MGAM2: variants seen among roughly 807,000 people sequenced by gnomAD.
The protein encoded by MGAM2 is maltase-glucoamylase 2 (putative), also known as probable maltase-glucoamylase 2.
MGAM2 carries 98 observed loss-of-function variants against 96.1 expected under a neutral mutation model. The ratio of observed to expected loss-of-function variants is 1.02; its 90% confidence interval spans 0.87 to 1.21. The LOEUF (loss-of-function observed/expected upper bound fraction) is 1.21, where lower values mean the gene tolerates loss of function less well. MGAM2 is among the 50% of genes most tolerant of loss of function. The pLI is 0.00. For missense variants in MGAM2, 2,055 were observed against 1,182.4 expected, an observed-to-expected ratio of 1.74 and a Z score of -10.82; for synonymous variants, 749 against 414.8, an observed-to-expected ratio of 1.81 and a Z score of -9.79.
intron 22 of MGAM2, 37 bp from the exon 23 acceptor site, chr7:142,161,918 C>T (rs182069810): frequency 3.2e-4 from 210 of 666,640 alleles, no homozygotes; most frequent in Non-Finnish European, 3.5e-5. Flanking sequence ...GGCTGATTGG[C>T]TTCCCATAGT....
chr7:142,150,934 T>C (rs1288896634), intron 15 of MGAM2, among the ~76,000 whole-genome samples: 1 of 152,218 alleles, frequency 6.6e-6, no homozygotes, highest in Non-Finnish European at 1.5e-5. Flanking sequence ...TTCCTTACCC[T>C]GTCCATTTTG....
intron 13 of MGAM2, among the ~76,000 whole-genome samples, 200 bp from the exon 14 acceptor site, chr7:142,144,661 A>T (rs533663497): frequency 1.3e-5 from 2 of 152,340 alleles, no homozygotes; most frequent in Non-Finnish European, 1.5e-5. Flanking sequence ...AACATACCTT[A>T]AAAATATATA....
intron 37 of MGAM2, among the ~76,000 whole-genome samples, chr7:142,190,551 G>A (rs925234703): frequency 1.3e-5 from 2 of 152,060 alleles, no homozygotes; most frequent in African/African-American, 4.8e-5. Context: ...TGGGATTATA[G>A]GCATGAGCCA....
chr7:142,145,234 C>A (rs1230183165), intron 14 of MGAM2, among the ~76,000 whole-genome samples: 2 of 152,178 alleles, frequency 1.3e-5, no homozygotes, highest in African/African-American at 4.8e-5. Flanking sequence ...TCCCCCAAAT[C>A]CCTCAGGTGT....
chr7:142,131,157 C>T (rs1794875240), intron 4 of MGAM2, 86 bp downstream of exon 4: 1 of 663,926 alleles, frequency 1.5e-6, no homozygotes, highest in Non-Finnish European at 2.8e-6. Flanking sequence ...AGCTAAAAGT[C>T]AGGCAGGCGT....
chr7:142,195,175 A>C (rs995472169), intron 37 of MGAM2, among the ~76,000 whole-genome samples: 1 of 151,768 alleles, frequency 6.6e-6, no homozygotes, highest in African/African-American at 2.4e-5. Flanking sequence ...GTGACTACAG[A>C]CACACGTGCA....
In MGAM2 at chr7:142,199,859, TC is replaced by T. The variant is rs946892008; in HGVS notation, c.5049-20del. 3.4e-5 allele frequency: 20 copies of T among 596,654 alleles called. No homozygotes were observed. The highest frequency in any genetic ancestry group is 1.0e-4 in the African/African-American group (3 of 30,016). The allele number at this position is 596,654 out of a possible 1,614,324, so 37.0% of individuals were successfully genotyped here. On this transcript the variant is annotated intron_variant, in intron 44 of 47. Coordinates refer to ENST00000477922, the MANE Select transcript of MGAM2 (RefSeq NM_001293626.2). ...AACCTACAATCTAGAGAAAAATAAC[TC>T]TTTTTTTTTTTTTTGGTAGTCGACA...
chr7:142,218,237 T>C (rs1010595523), intron 46 of MGAM2, 124 bp from the exon 47 acceptor site: 1 of 481,888 alleles, frequency 2.1e-6, no homozygotes, highest in Non-Finnish European at 3.6e-6. Flanking sequence ...AAAATTTAAA[T>C]ACATAAATAG....
At chr7:142,169,940 T>C in intron 26 of MGAM2, 135 bp from the exon 27 acceptor site, 3 of 538,922 alleles carry the variant, frequency 5.6e-6, no homozygotes, top group Non-Finnish European at 9.8e-6. Context: ...CTCACATCCA[T>C]TCGCTTGGGG....
At chr7:142,119,362 A>G (rs1173033524) in intron 2 of MGAM2, among the ~76,000 whole-genome samples, 1 of 152,214 alleles carries the variant, frequency 6.6e-6, no homozygotes, top group East Asian at 1.9e-4. Flanking sequence ...AAGTCAAAAC[A>G]ATAACATATC....
intron 23 of MGAM2, among the ~76,000 whole-genome samples, chr7:142,162,408 A>G (rs987052114): frequency 2.0e-5 from 3 of 152,090 alleles, no homozygotes; most frequent in Non-Finnish European, 2.9e-5. Context: ...TGGCACGGGT[A>G]TAAAGTAGCG....
chr7:142,172,572 A>C (rs1026704955), intron 29 of MGAM2, 80 bp from the exon 30 acceptor site: 1 of 607,036 alleles, frequency 1.6e-6, no homozygotes, highest in African/African-American at 1.8e-5. Context: ...GTATGAAGAA[A>C]GCAAATCTTA....
intron 46 of MGAM2, among the ~76,000 whole-genome samples, chr7:142,213,560 C>G (rs947732049): frequency 1.3e-5 from 2 of 152,166 alleles, no homozygotes; most frequent in African/African-American, 2.4e-5. Context: ...TGCAAATAAA[C>G]TAGAAAATCT....
chr7:142,122,656 T>A (rs571058737), intron 3 of MGAM2, among the ~76,000 whole-genome samples: 1 of 152,226 alleles, frequency 6.6e-6, no homozygotes, highest in Non-Finnish European at 1.5e-5. Flanking sequence ...CAGCACATTT[T>A]TGAGATTCAT....
In MGAM2 at chr7:142,220,348, C is replaced by A. The variant is rs1383317444; in HGVS notation, c.5837C>A (p.Thr1946Lys). Residue 1946 changes from threonine to lysine, a missense_variant, in exon 48 of 48, where the codon ACA becomes AAA. By Grantham distance (78) the Thr-to-Lys change is moderately conservative. Coordinates refer to ENST00000477922, the MANE Select transcript of MGAM2 (RefSeq NM_001293626.2). The part of the protein sequence containing the change: ...TVPITTTCFA[T>K]STIGVTTNAT... ...CCTATCACAACCACATGTTTTGCAA[C>A]AAGTACTATTGGTGTTACAACTAAT... The A allele has an allele frequency of 2.0e-5, 14 of 702,568 alleles. No homozygotes were observed. In the South Asian group the frequency reaches 2.1e-4, roughly 10 times the overall value. 43.5% of individuals were successfully genotyped at this position (702,568 alleles called of 1,614,324 possible).
intron 6 of MGAM2, 79 bp from the exon 7 acceptor site, chr7:142,133,902 G>A (rs1794979382): frequency 1.6e-6 from 1 of 613,826 alleles, no homozygotes; most frequent in South Asian, 1.9e-5. Context: ...CTAAGTGTAT[G>A]TGGAAAGGAG....
chr7:142,131,080 T>A lies in MGAM2; in HGVS notation c.310+9T>A, dbSNP rs1006452493. 1 of 701,138 alleles carries A rather than the reference T, an allele frequency of 1.4e-6. No individual in the cohort carries two copies. Among genetic ancestry groups the A allele is most frequent in the African/African-American group, 1.7e-5 (1 of 57,238 alleles). 43.4% of individuals were successfully genotyped at this position (701,138 alleles called of 1,614,324 possible). A position where few individuals can be genotyped will look rare whatever the true frequency, so the allele number is the denominator to read the frequency against. ...TACAAATACAAGCACAGGTGAGCAC[T>A]GCCCTGATGTTGCGCCTGGGAACAA... On this transcript the variant is annotated intron_variant, in intron 4 of 47. Transcript: ENST00000477922.
At chr7:142,134,474 A>G (rs1297187199) in intron 7 of MGAM2, among the ~76,000 whole-genome samples, 2 of 152,168 alleles carry the variant, frequency 1.3e-5, no homozygotes, top group African/African-American at 4.8e-5. Context: ...TTAATAACTG[A>G]GGAAAGGAAG....
At position 142,186,026 on chromosome 7, in the gene MGAM2, G is replaced by A. The variant is rs79577921; in HGVS notation, c.4025G>A (p.Arg1342His). 1.7e-3 allele frequency: 1,167 copies of A among 704,102 alleles called. 18 individuals carry two copies. In the East Asian group the frequency reaches 0.025, roughly 15 times the overall value. The allele number at this position is 704,102 out of a possible 1,614,324, so 43.6% of individuals were successfully genotyped here. A position where few individuals can be genotyped will look rare whatever the true frequency, so the allele number is the denominator to read the frequency against. The change falls in exon 35 of 48, where the codon CGT becomes CAT. Residue 1342 changes from arginine to histidine, a missense_variant. Transcript: ENST00000477922. ...RAYVAFPDFF[R>H]NSTAAWWKKE... ...TACGTTGCCTTTCCTGACTTCTTTC[G>A]TAATAGCACAGCTGCGTGGTGGAAG...
Sources: gnomAD v4.1 joint callset for allele counts (sites outside exome capture counted in the v4.1 genomes callset) on GRCh38, gnomAD v4.1.1 for gene constraint, MANE v1.5 for transcripts, NCBI Gene and HGNC (gene_info 2026-07-23, HGNC 2026-07-21) for gene names.